The following ELAVL3 variants were observed in gnomAD, a reference collection of about 807,000 sequenced individuals.
ELAVL3 encodes ELAV-like protein 3.
ELAVL3 carries 8 observed loss-of-function variants against 34.2 expected under a neutral mutation model. The ratio of observed to expected loss-of-function variants is 0.23; its 90% confidence interval spans 0.14 to 0.42. The LOEUF is 0.42. Among genes scored for constraint, ELAVL3 ranks in the 10% least tolerant of loss-of-function variants. The pLI is 1.00. For missense variants in ELAVL3, 273 were observed against 518.8 expected, an observed-to-expected ratio of 0.53 and a Z score of 4.60; for synonymous variants, 209 against 222.1, an observed-to-expected ratio of 0.94 and a Z score of 0.53.
At chr19:11,479,188 G>A (rs1373980630) in intron 1 of ELAVL3, among the ~76,000 whole-genome samples, 1 of 152,146 alleles carries the variant, frequency 6.6e-6, no homozygotes, top group Non-Finnish European at 1.5e-5. Flanking sequence ...TCCTCAGGAG[G>A]CCACACTCCA....
chr19:11,459,456 A>G (rs1011444740), intron 3 of ELAVL3, among the ~76,000 whole-genome samples: 3 of 150,468 alleles, frequency 2.0e-5, no homozygotes, highest in African/African-American at 7.4e-5. Context: ...TTTAGCAGAG[A>G]CAGGGTTTCA....
At position 11,480,794 on chromosome 19, in the gene ELAVL3, C is replaced by G. The variant is rs1053653444; in HGVS notation, c.-186G>C. On this transcript the variant is annotated 5_prime_UTR_variant, in exon 1 of 7. Transcript: ENST00000359227. The surrounding 1 kb of genome is among the most constrained non-coding windows in gnomAD (Gnocchi z 6.8). ...GGACGGGCCCGAACCCGGGGATGCGCGCGCGGATGGCCGGGCCCCGGGGTG... is the reference window on the plus strand; with the variant it reads ...GGACGGGCCCGAACCCGGGGATGCGGGCGCGGATGGCCGGGCCCCGGGGTG... 6.5e-6 allele frequency: 3 copies of G among 462,498 alleles called. No homozygotes were observed. 28.6% of individuals were successfully genotyped at this position (462,498 alleles called of 1,614,324 possible). A position where few individuals can be genotyped will look rare whatever the true frequency, so the allele number is the denominator to read the frequency against.
At chr19:11,470,641 A>C (rs1172061750) in intron 1 of ELAVL3, among the ~76,000 whole-genome samples, 1 of 152,064 alleles carries the variant, frequency 6.6e-6, no homozygotes, top group Non-Finnish European at 1.5e-5. Context: ...CCACCATTGC[A>C]CTCCAGCCTG....
At chr19:11,473,910 T>TAAAGCCATATGCTAGG (rs1568386819) in intron 1 of ELAVL3, among the ~76,000 whole-genome samples, 2 of 152,076 alleles carry the variant, frequency 1.3e-5, no homozygotes, top group African/African-American at 4.8e-5. Context: ...CCTGGGGTAG[T>TAAAGCCATATGCTAGG]AGCTAAAGCC....
intron 6 of ELAVL3, among the ~76,000 whole-genome samples, chr19:11,456,503 ATT>A (rs879501206): frequency 6.0e-5 from 8 of 132,880 alleles, no homozygotes; most frequent in African/African-American, 1.9e-4. Flanking sequence ...TTTTTTAATT[ATT>A]TTTTTTTTTT....
rs1971061890 is a variant in ELAVL3, at chr19:11,466,793, C to G, written c.44G>C (p.Gly15Ala). Residue 15 changes from glycine to alanine, a missense_variant, in exon 2 of 7, where the codon GGG becomes GCG. Transcript: ENST00000359227. The surrounding 1 kb of genome is among the most constrained non-coding windows in gnomAD (Gnocchi z 5.0). Reference sequence around the variant, plus strand: ...GGGCAGGGCCGGGCCGGCCGGGCCCCCCCCCACCTGAGACTCCATGGCCCC... The same window carrying G: ...GGGCAGGGCCGGGCCGGCCGGGCCCGCCCCCACCTGAGACTCCATGGCCCC... The part of the protein sequence containing the change: ...ILGAMESQVG[G>A]GPAGPALPNG... The G allele has an allele frequency of 2.5e-6, 4 of 1,611,974 alleles. No individual in the cohort carries two copies. Among genetic ancestry groups the G allele is most frequent in the Non-Finnish European group, 3.4e-6 (4 of 1,179,034 alleles).
chr19:11,478,145 G>A (rs1971297761), intron 1 of ELAVL3, among the ~76,000 whole-genome samples: 1 of 152,120 alleles, frequency 6.6e-6, no homozygotes, highest in Non-Finnish European at 1.5e-5. Context: ...AGGAGGTGGA[G>A]GGGATGGTGT....
rs1479550501 is a variant in ELAVL3 at position 11,454,005 on chromosome 19, C to T, written c.*521G>A. The T allele has an allele frequency of 6.6e-6, 1 of 152,504 alleles. No homozygotes were observed. Among genetic ancestry groups the T allele is most frequent in the Non-Finnish European group, 1.5e-5 (1 of 68,070 alleles). 9.4% of individuals were successfully genotyped at this position (152,504 alleles called of 1,614,324 possible). On this transcript the variant is annotated 3_prime_UTR_variant, in exon 7 of 7. Coordinates refer to ENST00000359227, the MANE Select transcript of ELAVL3 (RefSeq NM_001420.4). The surrounding 1 kb of genome is among the most constrained non-coding windows in gnomAD (Gnocchi z 9.2). The stretch of plus-strand genomic sequence containing the variant: ...CTTCCAGCCCCACTGCCTGCTCCCC[C>T]GCATTCCACCAGGGGGCACTGGGCC...
chr19:11,480,364 G>T lies in ELAVL3; in HGVS notation c.9+236C>A. On this transcript the variant is annotated intron_variant, in intron 1 of 6. Coordinates refer to ENST00000359227, the MANE Select transcript of ELAVL3 (RefSeq NM_001420.4). The surrounding 1 kb of genome is among the most constrained non-coding windows in gnomAD (Gnocchi z 6.8). ...TCCCGCCTCCAGGGCGGCGTCGGAC[G>T]CCTCCCGAATCGCAGTCAGTCTCCC... 1 of 416,596 alleles carries T rather than the reference G, an allele frequency of 2.4e-6. No homozygotes were observed. The highest frequency in any genetic ancestry group is 9.7e-5 in the South Asian group (1 of 10,298). The allele number at this position is 416,596 out of a possible 1,614,324, so 25.8% of individuals were successfully genotyped here.
chr19:11,452,736 T>C lies in ELAVL3; in HGVS notation c.*1790A>G, dbSNP rs1970678486. 1 of 151,308 alleles carries C rather than the reference T, an allele frequency of 6.6e-6. No individual in the cohort carries two copies. Among genetic ancestry groups the C allele is most frequent in the African/African-American group, 2.4e-5 (1 of 41,110 alleles). The allele number at this position is 151,308 out of a possible 1,614,324, so 9.4% of individuals were successfully genotyped here. The stretch of plus-strand genomic sequence containing the variant: ...GAAGGCAACTTAACTATAGCTAAAG[T>C]CGGGGGTTTTGCAATTCTCAGTTCC... On this transcript the variant is annotated 3_prime_UTR_variant, in exon 7 of 7. Transcript: ENST00000359227.
chr19:11,469,074 C>T (rs1322110429), intron 1 of ELAVL3, among the ~76,000 whole-genome samples: 1 of 152,064 alleles, frequency 6.6e-6, no homozygotes, highest in African/African-American at 2.4e-5. Flanking sequence ...TATGCGCCTC[C>T]AAGCCTGGCT....
Position 11,451,590 on chromosome 19 carries a change from G to T in ELAVL3, c.*2936C>A, listed in dbSNP as rs948411051. On this transcript the variant is annotated 3_prime_UTR_variant, in exon 7 of 7. Transcript: ENST00000359227. ...CCGAATAAATAACAGGATGAAGGGAGGGGTGGAGGGGCTGAGCCCCCTCCC... is the reference window on the plus strand; with the variant it reads ...CCGAATAAATAACAGGATGAAGGGATGGGTGGAGGGGCTGAGCCCCCTCCC... 6.6e-6 allele frequency: 1 copy of T among 151,012 alleles called. No individual in the cohort carries two copies. Among genetic ancestry groups the T allele is most frequent in the Non-Finnish European group, 1.5e-5 (1 of 67,696 alleles). The allele number at this position is 151,012 out of a possible 1,614,324, so 9.4% of individuals were successfully genotyped here.
rs1568374748 is a variant in ELAVL3, at chr19:11,451,816, T to A, written c.*2710A>T. On this transcript the variant is annotated 3_prime_UTR_variant, in exon 7 of 7. Coordinates refer to ENST00000359227, the MANE Select transcript of ELAVL3 (RefSeq NM_001420.4). ...TAGGCCTCGGTGGGGGGGGGGTGTG[T>A]GGGGAGGTGCCCCCTCTCTGGAGCC... 2 of 145,208 alleles carry A rather than the reference T, an allele frequency of 1.4e-5. No individual in the cohort carries two copies. The highest frequency in any genetic ancestry group is 5.3e-5 in the African/African-American group (2 of 38,038). 9.0% of individuals were successfully genotyped at this position (145,208 alleles called of 1,614,324 possible). A position where few individuals can be genotyped will look rare whatever the true frequency, so the allele number is the denominator to read the frequency against.
Position 11,454,939 on chromosome 19 carries a change from C to T in ELAVL3, c.753-62G>A. ...CCGCATGCTTCTGACCCCGTTGTGA[C>T]CCTTCACACCTTTATGACCCCTGAC... On this transcript the variant is annotated intron_variant, in intron 6 of 6. Coordinates refer to ENST00000359227, the MANE Select transcript of ELAVL3 (RefSeq NM_001420.4). The surrounding 1 kb of genome is among the most constrained non-coding windows in gnomAD (Gnocchi z 9.2). 2 of 1,503,882 alleles carry T rather than the reference C, an allele frequency of 1.3e-6. No individual in the cohort carries two copies. The highest frequency in any genetic ancestry group is 1.8e-6 in the Non-Finnish European group (2 of 1,120,064). 93.2% of individuals were successfully genotyped at this position (1,503,882 alleles called of 1,614,324 possible). A position where few individuals can be genotyped will look rare whatever the true frequency, so the allele number is the denominator to read the frequency against.
Position 11,466,472 on chromosome 19 carries a change from C to A in ELAVL3, c.229+136G>T. On this transcript the variant is annotated intron_variant, in intron 2 of 6. Coordinates refer to ENST00000359227, the MANE Select transcript of ELAVL3 (RefSeq NM_001420.4). The surrounding 1 kb of genome is among the most constrained non-coding windows in gnomAD (Gnocchi z 5.0). ...CTAGGGGGTATACCCATCTCCCCATCAGACCTCACATCCCTAGACCACCTC... is the reference window on the plus strand; with the variant it reads ...CTAGGGGGTATACCCATCTCCCCATAAGACCTCACATCCCTAGACCACCTC... 9.1e-7 allele frequency: 1 copy of A among 1,101,674 alleles called. No individual in the cohort carries two copies. Among genetic ancestry groups the A allele is most frequent in the South Asian group, 1.4e-5 (1 of 70,122 alleles). 68.2% of individuals were successfully genotyped at this position (1,101,674 alleles called of 1,614,324 possible).
chr19:11,453,867 T>G lies in ELAVL3; in HGVS notation c.*659A>C, dbSNP rs577009280. 1 of 152,004 alleles carries G rather than the reference T, an allele frequency of 6.6e-6. No homozygotes were observed. Among genetic ancestry groups the G allele is most frequent in the African/African-American group, 2.4e-5 (1 of 41,388 alleles). 9.4% of individuals were successfully genotyped at this position (152,004 alleles called of 1,614,324 possible). A position where few individuals can be genotyped will look rare whatever the true frequency, so the allele number is the denominator to read the frequency against. On this transcript the variant is annotated 3_prime_UTR_variant, in exon 7 of 7. Transcript: ENST00000359227. ...TTTTTGTCTTTTTTTGTGTTTTTTT[T>G]TTTCAAGTTCAAGAATCCCCAGTAA...
chr19:11,470,248 G>A (rs1265182080), intron 1 of ELAVL3, among the ~76,000 whole-genome samples: 3 of 152,142 alleles, frequency 2.0e-5, no homozygotes, highest in South Asian at 2.1e-4. Context: ...CCAGCTACTC[G>A]GGAGGCTGAG....
At chr19:11,460,337 C>G (rs1970857150) in intron 3 of ELAVL3, among the ~76,000 whole-genome samples, 1 of 150,906 alleles carries the variant, frequency 6.6e-6, no homozygotes, top group African/African-American at 2.4e-5. Flanking sequence ...CCCTGGCCCC[C>G]CCTGCTCCCA....
chr19:11,465,217 C>A (rs1320807907), intron 3 of ELAVL3, among the ~76,000 whole-genome samples: 1 of 121,988 alleles, frequency 8.2e-6, no homozygotes, highest in African/African-American at 3.1e-5. Flanking sequence ...CATACACACA[C>A]ACCACACACA....
Sources: allele counts gnomAD v4.1 joint callset (sites outside exome capture counted in the v4.1 genomes callset), GRCh38; gene constraint gnomAD v4.1.1; non-coding constraint Gnocchi (gnomAD v3.1); transcripts MANE v1.5; gene names NCBI Gene and HGNC (gene_info 2026-07-23, HGNC 2026-07-21).